CLIC6: variants seen among roughly 807,000 people sequenced by gnomAD.
The protein encoded by CLIC6 is chloride intracellular channel protein 6.
In CLIC6, 39 loss-of-function variants were observed where a neutral mutation model predicts 49.2. That is an observed-to-expected ratio of 0.79 (90% confidence interval 0.61 to 1.04). The LOEUF is 1.04. CLIC6 is among the 50% of genes least tolerant of loss of function. CLIC6 has a pLI of 0.00. For missense variants in CLIC6, 988 were observed against 993.1 expected (o/e 0.99, Z 0.07); for synonymous variants, 446 against 433.4 (o/e 1.03, Z -0.36).
chr21:34,670,723 G>C lies in CLIC6; in HGVS notation c.1335G>C (p.Arg445=). ...AGGACGGAGAGGCGTCCGAGCCCCGGGCCCTGGGGCAGGAGCACGACATCA... is the reference window on the plus strand; with the variant it reads ...AGGACGGAGAGGCGTCCGAGCCCCGCGCCCTGGGGCAGGAGCACGACATCA... The part of the protein sequence containing the change: ...RREDGEASEP[R]ALGQEHDITL... The change falls in exon 1 of 6, where the codon CGG becomes CGC. Residue 445 remains arginine, a synonymous_variant. Transcript: ENST00000349499. 6.3e-6 allele frequency: 10 copies of C among 1,599,622 alleles called. No individual in the cohort carries two copies. Among genetic ancestry groups the C allele is most frequent in the Non-Finnish European group, 8.5e-6 (10 of 1,177,340 alleles).
At chr21:34,691,778 TG>T (rs199896534) in intron 1 of CLIC6, among the ~76,000 whole-genome samples, 1,702 of 152,354 alleles carry the variant, frequency 0.011, 18 homozygotes, top group Non-Finnish European at 0.019. Context: ...GTGCTTTTTT[TG>T]TTGAAATTGT....
chr21:34,678,311 G>A (rs544454136), intron 1 of CLIC6, among the ~76,000 whole-genome samples: 10 of 151,270 alleles, frequency 6.6e-5, no homozygotes, highest in South Asian at 4.2e-4. Flanking sequence ...GCGTGGTGGC[G>A]TGTGCCTGTA....
intron 1 of CLIC6, among the ~76,000 whole-genome samples, chr21:34,675,231 A>G (rs543805769): frequency 2.6e-5 from 4 of 150,970 alleles, no homozygotes; most frequent in African/African-American, 9.7e-5. Context: ...ACTGTCACCC[A>G]GAAATGAGCC....
chr21:34,686,003 G>A (rs1165946049), intron 1 of CLIC6, among the ~76,000 whole-genome samples: 1 of 152,160 alleles, frequency 6.6e-6, no homozygotes, highest in Admixed American at 6.5e-5. Flanking sequence ...CATCACCAAG[G>A]TCTGCTTTTT....
At chr21:34,683,103 G>C (rs146112951) in intron 1 of CLIC6, among the ~76,000 whole-genome samples, 1 of 151,478 alleles carries the variant, frequency 6.6e-6, no homozygotes, top group African/African-American at 2.4e-5. Flanking sequence ...GAGCCACCGC[G>C]CCTGGCCCCC....
intron 5 of CLIC6, among the ~76,000 whole-genome samples, chr21:34,712,764 C>A (rs749230697): frequency 9.2e-5 from 14 of 152,218 alleles, no homozygotes; most frequent in South Asian, 2.1e-4. Flanking sequence ...CCCAGCCAGT[C>A]AAGAGAGAGA....
At chr21:34,709,587 G>T (rs1413733158) in intron 5 of CLIC6, 49 bp downstream of exon 5, 2 of 1,518,276 alleles carry the variant, frequency 1.3e-6, no homozygotes, top group Non-Finnish European at 1.8e-6. Context: ...ACGGGGCTTT[G>T]TTTTATTTTG....
chr21:34,675,421 C>A (rs529784256), intron 1 of CLIC6, among the ~76,000 whole-genome samples: 1 of 152,184 alleles, frequency 6.6e-6, no homozygotes, highest in African/African-American at 2.4e-5. Context: ...GGGGCTTGGT[C>A]TCCAGGGAGC....
intron 1 of CLIC6, among the ~76,000 whole-genome samples, chr21:34,703,895 C>T (rs1257829202): frequency 6.6e-6 from 1 of 152,190 alleles, no homozygotes; most frequent in Non-Finnish European, 1.5e-5. Flanking sequence ...AGGAACTCAA[C>T]AAAGTTGAAT....
chr21:34,694,135 A>ATTTTTTTTTTTTTTT (rs57210806), intron 1 of CLIC6, among the ~76,000 whole-genome samples: 18 of 128,418 alleles, frequency 1.4e-4, no homozygotes, highest in African/African-American at 5.6e-4. Context: ...CGCCTGGTTA[A>ATTTTTTTTTTTTTTT]TTTTTTTTTT....
rs1352547933 is a variant in CLIC6 at position 34,717,020 on chromosome 21, C to T, written c.*538C>T. 1.3e-5 allele frequency: 2 copies of T among 152,230 alleles called. No homozygotes were observed. The highest frequency in any genetic ancestry group is 3.8e-4 in the East Asian group (2 of 5,204). 9.4% of individuals were successfully genotyped at this position (152,230 alleles called of 1,614,324 possible). A position where few individuals can be genotyped will look rare whatever the true frequency, so the allele number is the denominator to read the frequency against. On this transcript the variant is annotated 3_prime_UTR_variant, in exon 6 of 6. Transcript: ENST00000349499. Reference sequence around the variant, plus strand: ...CACCATACAAAAATATTGGGCACCGCAGTGCCAGAGAAGATGCTTGAGGTT... The same window carrying T: ...CACCATACAAAAATATTGGGCACCGTAGTGCCAGAGAAGATGCTTGAGGTT...
intron 5 of CLIC6, among the ~76,000 whole-genome samples, chr21:34,715,377 G>A (rs1248157575): frequency 6.6e-6 from 1 of 152,144 alleles, no homozygotes; most frequent in Non-Finnish European, 1.5e-5. Flanking sequence ...GTTGCAAACT[G>A]GGGAAATTTG....
intron 1 of CLIC6, among the ~76,000 whole-genome samples, chr21:34,676,089 T>A (rs538988443): frequency 6.6e-6 from 1 of 152,234 alleles, no homozygotes; most frequent in Non-Finnish European, 1.5e-5. Context: ...GTTTCCTTTG[T>A]GTCCTTGGTT....
At chr21:34,681,580 T>C (rs1246545695) in intron 1 of CLIC6, among the ~76,000 whole-genome samples, 3 of 152,218 alleles carry the variant, frequency 2.0e-5, no homozygotes, top group Non-Finnish European at 4.4e-5. Context: ...ACTTCCAAGA[T>C]GGCTGGCTCA....
At position 34,707,313 on chromosome 21, in the gene CLIC6, C is replaced by G; in HGVS notation, c.1408C>G (p.Pro470Ala). The G allele has an allele frequency of 6.2e-7, 1 of 1,614,022 alleles. No homozygotes were observed. Among genetic ancestry groups the G allele is most frequent in the African/African-American group, 1.3e-5 (1 of 74,994 alleles). Residue 470 changes from proline (P) to alanine (A), a missense_variant, in exon 2 of 6, where the codon CCG becomes GCG. This residue lies in a region of CLIC6 where 647 missense variants were observed against 596.9 expected (regional missense o/e 1.08). Coordinates refer to ENST00000349499, the MANE Select transcript of CLIC6 (RefSeq NM_053277.3). The part of the protein sequence containing the change: ...GYDGESIGNC[P>A]FSQRLFMILW... ...TGATGGTGAGAGTATCGGAAATTGC[C>G]CGTTTTCTCAGCGTCTCTTTATGAT...
chr21:34,672,645 G>A (rs529073986), intron 1 of CLIC6, among the ~76,000 whole-genome samples: 1 of 152,324 alleles, frequency 6.6e-6, no homozygotes, highest in Non-Finnish European at 1.5e-5. Context: ...CAGAACACAG[G>A]TGTGGGATGT....
At chr21:34,674,166 A>G (rs115360995) in intron 1 of CLIC6, among the ~76,000 whole-genome samples, 4,742 of 152,152 alleles carry the variant, frequency 0.031, 248 homozygotes, top group African/African-American at 0.11. Context: ...GCCCAGGCTG[A>G]TCTCCAGCTC....
rs1989479461 is a variant in CLIC6, at chr21:34,669,427, T to C, written c.39T>C (p.Gly13=). The C allele has an allele frequency of 1.5e-5, 18 of 1,232,884 alleles. No homozygotes were observed. Among genetic ancestry groups the C allele is most frequent in the Non-Finnish European group, 1.6e-5 (16 of 989,238 alleles). 76.4% of individuals were successfully genotyped at this position (1,232,884 alleles called of 1,614,324 possible). A position where few individuals can be genotyped will look rare whatever the true frequency, so the allele number is the denominator to read the frequency against. Residue 13 remains glycine, a synonymous_variant, in exon 1 of 6, where the codon GGT becomes GGC. Coordinates refer to ENST00000349499, the MANE Select transcript of CLIC6 (RefSeq NM_053277.3). ...CGGAGCCGGAGGGGGTTGCCCCGGGTCCCCAGGGGCCGCCGGAGGTCCCCG... is the reference window on the plus strand; with the variant it reads ...CGGAGCCGGAGGGGGTTGCCCCGGGCCCCCAGGGGCCGCCGGAGGTCCCCG... ...EAAEPEGVAP[G]PQGPPEVPAP...
intron 1 of CLIC6, among the ~76,000 whole-genome samples, chr21:34,692,767 A>G (rs1463153566): frequency 6.6e-6 from 1 of 152,230 alleles, no homozygotes; most frequent in African/African-American, 2.4e-5. Flanking sequence ...AAACATTATA[A>G]GGAAAGAGGA....
Sources: gnomAD v4.1 joint callset for allele counts (sites outside exome capture counted in the v4.1 genomes callset) on GRCh38, gnomAD v4.1.1 for gene constraint, gnomAD v4.1.1 regional missense constraint, MANE v1.5 for transcripts, NCBI Gene and HGNC (gene_info 2026-07-23, HGNC 2026-07-21) for gene names.